Variants in OXNAD1 observed in about 807,000 individuals in gnomAD.
OXNAD1 encodes oxidoreductase NAD-binding domain-containing protein 1.
A neutral mutation model predicts 32.9 loss-of-function variants in OXNAD1; 34 were observed. The observed-to-expected ratio is 1.03, with a 90% confidence interval of 0.79 to 1.38. The LOEUF is 1.38. Among genes scored for constraint, OXNAD1 ranks in the 40% most tolerant of loss-of-function variants. The pLI is 0.00. For missense variants in OXNAD1, 407 were observed against 379.4 expected (o/e 1.07, Z -0.60); for synonymous variants, 134 against 135.2 (o/e 0.99, Z 0.06).
downstream of OXNAD1, among the ~76,000 whole-genome samples, chr3:16,309,001 T>TCTCTTCTCCCCCATCCTATTC (rs2067767797): frequency 6.6e-6 from 1 of 151,770 alleles, no homozygotes; most frequent in South Asian, 2.1e-4. Flanking sequence ...ATGCTGACGT[T>TCTCTTCTCCCCCATCCTATTC]CTCTTCTCCC....
rs747026239 is a variant in OXNAD1 at position 16,297,245 on chromosome 3, A to G, written c.432+2248A>G. The stretch of plus-strand genomic sequence containing the variant: ...AATAAGCAATGAAAGGTATTGAAAC[A>G]TCGTTAACCCTGAGGGAAATGTAAA... On this transcript the variant is annotated intron_variant, in intron 6 of 8. Transcript: ENST00000285083. This position sits in a 1 kb window ranked among gnomAD's most constrained non-coding sequence, Gnocchi z 4.3. 1.4e-4 allele frequency among the ~76,000 whole-genome samples: 22 copies of G among 152,220 alleles called. No individual in the cohort carries two copies. Among genetic ancestry groups the G allele is most frequent in the Non-Finnish European group, 2.9e-4 (20 of 68,032 alleles).
At chr3:16,350,610 C>T (rs1356602117), downstream of OXNAD1, among the ~76,000 whole-genome samples, 2 of 151,900 alleles carry the variant, frequency 1.3e-5, no homozygotes, top group Admixed American at 6.6e-5. Context: ...GTACTGAAGG[C>T]GCTGCTAAAG....
In OXNAD1 at chr3:16,346,089, C is replaced by G. The variant is rs1299758312; in HGVS notation, c.*31-3087C>G. 6.6e-6 allele frequency: 1 copy of G among 152,096 alleles called. No individual in the cohort carries two copies. The highest frequency in any genetic ancestry group is 1.5e-5 in the Non-Finnish European group (1 of 68,014). 9.4% of individuals were successfully genotyped at this position (152,096 alleles called of 1,614,324 possible). On this transcript the variant is annotated intron_variant, in intron 9 of 9. Transcript: ENST00000606098. The surrounding 1 kb of genome is among the most constrained non-coding windows in gnomAD (Gnocchi z 4.4). Reference sequence around the variant, plus strand: ...TCCCCTCGTCAGATTGAAAAGGTTCCTATGATTTAGGGTCTTCCAGCACCC... The same window carrying G: ...TCCCCTCGTCAGATTGAAAAGGTTCGTATGATTTAGGGTCTTCCAGCACCC...
In OXNAD1 at chr3:16,317,339, C is replaced by A. The variant is rs745483963; in HGVS notation, c.*30+13747C>A. 2 of 1,168,028 alleles carry A rather than the reference C, an allele frequency of 1.7e-6. No individual in the cohort carries two copies. The highest frequency in any genetic ancestry group is 2.4e-6 in the Non-Finnish European group (2 of 823,314). The allele number at this position is 1,168,028 out of a possible 1,614,324, so 72.4% of individuals were successfully genotyped here. A position where few individuals can be genotyped will look rare whatever the true frequency, so the allele number is the denominator to read the frequency against. ...CCACACCATGTCTGAGTGAGACATA[C>A]AATTCCCAGCATCCCCCAGCCAGGC... On this transcript the variant is annotated intron_variant, in intron 9 of 9. Coordinates refer to the OXNAD1 transcript ENST00000435829. This position sits in a 1 kb window ranked among gnomAD's most constrained non-coding sequence, Gnocchi z 4.3.
At chr3:16,311,829 T>C (rs2068002254) in intron 9 of OXNAD1, among the ~76,000 whole-genome samples, 1 of 152,206 alleles carries the variant, frequency 6.6e-6, no homozygotes, top group Non-Finnish European at 1.5e-5. Flanking sequence ...TGGCCTCCTA[T>C]TAAGCCTTAC....
chr3:16,310,493 G>A (rs909117400), downstream of OXNAD1, among the ~76,000 whole-genome samples: 3 of 152,162 alleles, frequency 2.0e-5, no homozygotes, highest in African/African-American at 2.4e-5. Flanking sequence ...TGACTAGTGA[G>A]CAACACATTT....
intron 9 of OXNAD1, among the ~76,000 whole-genome samples, chr3:16,330,892 A>G (rs1027798719): frequency 3.9e-5 from 6 of 152,256 alleles, no homozygotes; most frequent in African/African-American, 1.4e-4. Context: ...TTAGGAATTC[A>G]TAAATTGGTC....
intron 4 of OXNAD1, among the ~76,000 whole-genome samples, chr3:16,283,149 A>T (rs1054931952): frequency 6.6e-6 from 1 of 152,132 alleles, no homozygotes; most frequent in African/African-American, 2.4e-5. Context: ...TGAGTCCAAG[A>T]TGCATCCATA....
intron 5 of OXNAD1, among the ~76,000 whole-genome samples, chr3:16,291,052 AC>A (rs2066398222): frequency 1.3e-5 from 2 of 152,126 alleles, no homozygotes; most frequent in Admixed American, 1.3e-4. Flanking sequence ...TAGAATCCTC[AC>A]CAAAAAAGGG....
In OXNAD1 at chr3:16,336,859, AAAT is replaced by A. The variant is rs1470946790; in HGVS notation, c.*31-246_*31-244del. 1.3e-5 allele frequency among the ~76,000 whole-genome samples: 2 copies of A among 152,204 alleles called. No individual in the cohort carries two copies. Among genetic ancestry groups the A allele is most frequent in the Non-Finnish European group, 2.9e-5 (2 of 68,042 alleles). ...CCTTTTAGGAGCTCAACGAAATAAA[AAAT>A]AATAATTGTTATTATTACATGAAAC... On this transcript the variant is annotated intron_variant, in intron 9 of 9. Coordinates refer to the OXNAD1 transcript ENST00000435829. The surrounding 1 kb of genome is among the most constrained non-coding windows in gnomAD (Gnocchi z 6.0).
chr3:16,326,059 G>T (rs1411841427), intron 9 of OXNAD1, among the ~76,000 whole-genome samples: 1 of 152,236 alleles, frequency 6.6e-6, no homozygotes, highest in East Asian at 1.9e-4. Flanking sequence ...CCTAGCCTCA[G>T]TTTCCTCATC....
At position 16,305,909 on chromosome 3, in the gene OXNAD1, T is replaced by C. The variant is rs2067521564; in HGVS notation, c.*2347T>C. 1 of 149,812 alleles carries C rather than the reference T, an allele frequency of 6.7e-6. No homozygotes were observed. Among genetic ancestry groups the C allele is most frequent in the Non-Finnish European group, 1.5e-5 (1 of 66,958 alleles). 9.3% of individuals were successfully genotyped at this position (149,812 alleles called of 1,614,324 possible). On this transcript the variant is annotated 3_prime_UTR_variant, in exon 9 of 9. Coordinates refer to ENST00000285083, the MANE Select transcript of OXNAD1 (RefSeq NM_138381.5). The surrounding 1 kb of genome is among the most constrained non-coding windows in gnomAD (Gnocchi z 4.5). ...TTGTCGTTATTAATTTGCTATTCCT[T>C]GTCCTATTCAGAAAGGATTTCAAGA...
At chr3:16,331,594 G>T (rs1467903790) in intron 9 of OXNAD1, among the ~76,000 whole-genome samples, 1 of 151,812 alleles carries the variant, frequency 6.6e-6, no homozygotes, top group African/African-American at 2.4e-5. Flanking sequence ...CCCACATGTT[G>T]CAATACCCCT....
chr3:16,325,688 C>T lies in OXNAD1; in HGVS notation c.*31-11424C>T, dbSNP rs2069620030. 1.3e-5 allele frequency among the ~76,000 whole-genome samples: 2 copies of T among 152,166 alleles called. 1 individual carries two copies. Among genetic ancestry groups the T allele is most frequent in the South Asian group, 4.1e-4 (2 of 4,826 alleles). On this transcript the variant is annotated intron_variant, in intron 9 of 9. Transcript: ENST00000435829. ...GGTGGTTTCCAGTGGCCAAGGGGCT[C>T]AAAAGTGGCCGCAGACTGGCTCCCC...
chr3:16,350,175 G>A (rs2071995950), exon 10 of OXNAD1: 1 of 152,174 alleles, frequency 6.6e-6, no homozygotes, highest in Non-Finnish European at 1.5e-5. Flanking sequence ...AACATTTCCT[G>A]TAATTCCTTC....
rs750491540 is a variant in OXNAD1 at position 16,313,205 on chromosome 3, A to ATTTT, written c.*30+9628_*30+9631dup. 1.7e-4 allele frequency among the ~76,000 whole-genome samples: 18 copies of ATTTT among 103,806 alleles called. 1 individual carries two copies. Among genetic ancestry groups the ATTTT allele is most frequent in the African/African-American group, 5.3e-4 (12 of 22,758 alleles). 68.1% of individuals were successfully genotyped at this position (103,806 alleles called of 152,430 possible). ...GTACATGTACCACCACACCCAGCGG[A>ATTTT]TTTTTTTTTTTTTTTTTTGCAGAGG... is the stretch of plus-strand genomic sequence containing the variant. On this transcript the variant is annotated intron_variant, in intron 9 of 9. Coordinates refer to the OXNAD1 transcript ENST00000435829.
Position 16,301,896 on chromosome 3 carries a change from A to G in OXNAD1, c.675+28A>G, listed in dbSNP as rs747736757. 5 of 1,606,112 alleles carry G rather than the reference A, an allele frequency of 3.1e-6. No individual in the cohort carries two copies. In the East Asian group the frequency reaches 1.1e-4, roughly 36 times the overall value. On this transcript the variant is annotated intron_variant, in intron 7 of 8. Transcript: ENST00000285083. The surrounding 1 kb of genome is among the most constrained non-coding windows in gnomAD (Gnocchi z 4.1). ...AAGGGAGGTATAGCTTGCTGTAAGC[A>G]AACTTGTGTAGTGGTATTAATTGTT...
intron 9 of OXNAD1, among the ~76,000 whole-genome samples, chr3:16,318,290 G>C (rs1271975228): frequency 6.6e-6 from 1 of 152,160 alleles, no homozygotes; most frequent in Admixed American, 6.5e-5. Flanking sequence ...TTGTGCTTCA[G>C]CTGTTATCTC....
Position 16,336,811 on chromosome 3 carries a change from A to G in OXNAD1, c.*31-301A>G, listed in dbSNP as rs2070897001. On this transcript the variant is annotated intron_variant, in intron 9 of 9. Transcript: ENST00000435829. The surrounding 1 kb of genome is among the most constrained non-coding windows in gnomAD (Gnocchi z 6.0). ...CTTTGTCTCATTTTCTCTACCAGGT[A>G]AGAAAGGCAGCAAACTCAGTAGCCT... Among the ~76,000 whole-genome samples the G allele has an allele frequency of 6.6e-6, 1 of 152,214 alleles. No individual in the cohort carries two copies. The highest frequency in any genetic ancestry group is 1.5e-5 in the Non-Finnish European group (1 of 68,034).
Sources: gnomAD v4.1 joint callset for allele counts (sites outside exome capture counted in the v4.1 genomes callset) on GRCh38, gnomAD v4.1.1 for gene constraint, Gnocchi (gnomAD v3.1) non-coding constraint, MANE v1.5 for transcripts, NCBI Gene and HGNC (gene_info 2026-07-23, HGNC 2026-07-21) for gene names.